Variants in ETS1 observed in about 807,000 individuals in gnomAD.
ETS1 encodes the protein ETS proto-oncogene 1, transcription factor.
ETS1 carries 15 observed loss-of-function variants against 58.6 expected under a neutral mutation model. The ratio of observed to expected loss-of-function variants is 0.26; its 90% CI spans 0.17 to 0.39. The LOEUF is 0.39. Among genes scored for constraint, ETS1 ranks in the 10% least tolerant of loss-of-function variants. ETS1 has a pLI of 1.00. For synonymous variants in ETS1, 214 were observed against 218.2 expected (o/e 0.98, Z 0.17); for missense variants, 417 against 610.5 (o/e 0.68, Z 3.34).
intron 3 of ETS1, among the ~76,000 whole-genome samples, chr11:128,518,944 G>A (rs1189931672): frequency 6.6e-6 from 1 of 152,224 alleles, no homozygotes; most frequent in Non-Finnish European, 1.5e-5. Flanking sequence ...TCACCAAGAA[G>A]GTAGAGCAGA....
intron 1 of ETS1, among the ~76,000 whole-genome samples, chr11:128,581,102 A>G (rs748237031): frequency 6.6e-6 from 1 of 152,244 alleles, no homozygotes; most frequent in Non-Finnish European, 1.5e-5. Flanking sequence ...GGAATGCTTC[A>G]TAGATTATTT....
intron 3 of ETS1, among the ~76,000 whole-genome samples, chr11:128,514,777 G>A (rs1435197776): frequency 6.6e-6 from 1 of 152,208 alleles, no homozygotes; most frequent in Non-Finnish European, 1.5e-5. Context: ...CAGGCAAGGA[G>A]TAGAAACAAC....
chr11:128,487,028 A>G (rs929882391), intron 5 of ETS1, among the ~76,000 whole-genome samples: 7 of 152,238 alleles, frequency 4.6e-5, no homozygotes, highest in Non-Finnish European at 7.3e-5. Flanking sequence ...GCCTGCACAG[A>G]AAAACAGTTC....
At chr11:128,473,647 C>A (rs962438215) in intron 8 of ETS1, among the ~76,000 whole-genome samples, 2 of 152,206 alleles carry the variant, frequency 1.3e-5, no homozygotes, top group Non-Finnish European at 2.9e-5. Context: ...CTGCAGGCAT[C>A]CCCAAGTGAC....
Position 128,535,836 on chromosome 11 carries a change from C to T in ETS1, c.214+20455G>A, listed in dbSNP as rs535519152. On this transcript the variant is annotated intron_variant, in intron 3 of 9. Coordinates refer to ENST00000392668, the MANE Select transcript of ETS1 (RefSeq NM_001143820.2). ...CCAGATAGAAAGAGAAATTAAGACA[C>T]AAAGCAACAGGAAGATTCCATGATC... 5.9e-5 allele frequency among the ~76,000 whole-genome samples: 9 copies of T among 152,306 alleles called. 1 individual carries two copies. The South Asian group carries it at 1.5e-3, about 25-fold the overall frequency.
In ETS1 at chr11:128,459,463, C is replaced by T. The variant is rs1229839120; in HGVS notation, c.*2898G>A. On this transcript the variant is annotated 3_prime_UTR_variant, in exon 10 of 10. Transcript: ENST00000392668. ...CCCCACAGCCACAAAAATCAGGGCT[C>T]TATGTAGGGGAAGTCCCTCTCCAGA... is the stretch of plus-strand genomic sequence containing the variant. The T allele has an allele frequency of 6.5e-6, 1 of 152,734 alleles. No individual in the cohort carries two copies. Among genetic ancestry groups the T allele is most frequent in the Non-Finnish European group, 1.5e-5 (1 of 68,038 alleles). The allele number at this position is 152,734 out of a possible 1,614,324, so 9.5% of individuals were successfully genotyped here.
intron 3 of ETS1, among the ~76,000 whole-genome samples, chr11:128,509,956 A>G (rs559655265): frequency 6.6e-6 from 1 of 152,342 alleles, no homozygotes; most frequent in East Asian, 1.9e-4. Context: ...TCTGACACAT[A>G]GTAGGTACTC....
intron 3 of ETS1, among the ~76,000 whole-genome samples, chr11:128,541,891 T>C (rs112298169): frequency 7.2e-5 from 11 of 152,094 alleles, no homozygotes; most frequent in Admixed American, 3.3e-4. Context: ...GGGAACACAA[T>C]TGGGGTCTCA....
Position 128,549,791 on chromosome 11 carries a change from T to C in ETS1, c.214+6500A>G, listed in dbSNP as rs765057811. The stretch of plus-strand genomic sequence containing the variant: ...GTCACTCCTGAGAGCATGGGGTCTC[T>C]GGTCTCTAACCTGGGTGTGCAGCTC... On this transcript the variant is annotated intron_variant, in intron 3 of 9. Transcript: ENST00000392668. This position sits in a 1 kb window ranked among gnomAD's most constrained non-coding sequence, Gnocchi z 4.3. 1.8e-4 allele frequency among the ~76,000 whole-genome samples: 27 copies of C among 152,192 alleles called. No individual in the cohort carries two copies. Among genetic ancestry groups the C allele is most frequent in the Non-Finnish European group, 3.5e-4 (24 of 68,024 alleles).
intron 3 of ETS1, among the ~76,000 whole-genome samples, chr11:128,514,456 T>G (rs1863470787): frequency 6.6e-6 from 1 of 152,194 alleles, no homozygotes; most frequent in Admixed American, 6.5e-5. Flanking sequence ...ACTTGCAGCA[T>G]TCTTCCCACG....
intron 8 of ETS1, among the ~76,000 whole-genome samples, chr11:128,466,220 A>G: frequency 6.6e-6 from 1 of 152,204 alleles, no homozygotes; most frequent in East Asian, 1.9e-4. Flanking sequence ...ATGTTACATT[A>G]CTTCATTGTT....
intron 3 of ETS1, among the ~76,000 whole-genome samples, chr11:128,518,156 C>T (rs1863574309): frequency 6.6e-6 from 1 of 152,196 alleles, no homozygotes; most frequent in African/African-American, 2.4e-5. Context: ...AGCTGGACTT[C>T]AAGACACTCT....
chr11:128,544,370 G>GATATATATATATATATATATAT (rs1864101321), intron 3 of ETS1, among the ~76,000 whole-genome samples: 2 of 74,582 alleles, frequency 2.7e-5, no homozygotes, highest in African/African-American at 5.2e-5. Flanking sequence ...TATATATATG[G>GATATATATATATATATATATAT]AATTTCCCTC....
intron 1 of ETS1, among the ~76,000 whole-genome samples, chr11:128,585,943 T>C (rs548535717): frequency 1.3e-5 from 2 of 152,298 alleles, no homozygotes; most frequent in South Asian, 4.1e-4. Context: ...CCCAAGTCGG[T>C]GCTCTGGCCA....
At chr11:128,559,776 A>G (rs1864375239) in intron 2 of ETS1, among the ~76,000 whole-genome samples, 1 of 152,238 alleles carries the variant, frequency 6.6e-6, no homozygotes, top group South Asian at 2.1e-4. Context: ...CACCAGTTCC[A>G]ATTCATTATG....
At chr11:128,580,115 G>A (rs1163369165) in intron 1 of ETS1, among the ~76,000 whole-genome samples, 1 of 146,562 alleles carries the variant, frequency 6.8e-6, no homozygotes, top group Non-Finnish European at 1.5e-5. Context: ...AAACAGAGTT[G>A]GTGTGTACAA....
At chr11:128,498,565 G>A (rs1213707569) in intron 3 of ETS1, among the ~76,000 whole-genome samples, 1 of 152,196 alleles carries the variant, frequency 6.6e-6, no homozygotes, top group Non-Finnish European at 1.5e-5. Flanking sequence ...CCTTTTGGTT[G>A]CAAAAACGTC....
intron 2 of ETS1, among the ~76,000 whole-genome samples, chr11:128,565,793 A>G (rs1331429743): frequency 1.3e-5 from 2 of 152,172 alleles, no homozygotes; most frequent in Non-Finnish European, 2.9e-5. Flanking sequence ...CTTCTCTAGT[A>G]CCAAATAATT....
chr11:128,542,300 C>A (rs1864068457), intron 3 of ETS1, among the ~76,000 whole-genome samples: 1 of 151,996 alleles, frequency 6.6e-6, no homozygotes, highest in Non-Finnish European at 1.5e-5. Flanking sequence ...CTTCTTCCAC[C>A]AAAGCAGATG....
Sources: allele counts gnomAD v4.1 joint callset (sites outside exome capture counted in the v4.1 genomes callset), GRCh38; gene constraint gnomAD v4.1.1; non-coding constraint Gnocchi (gnomAD v3.1); transcripts MANE v1.5; gene names NCBI Gene and HGNC (gene_info 2026-07-23, HGNC 2026-07-21).